SSBP2: variants seen among roughly 807,000 people sequenced by gnomAD.
SSBP2 encodes the protein single stranded DNA binding protein 2.
In SSBP2, 17 loss-of-function variants were observed where a neutral mutation model predicts 61.8. That is an observed-to-expected ratio of 0.28 (90% CI 0.19 to 0.41). SSBP2 has a LOEUF of 0.41. Ranked by LOEUF, SSBP2 falls within the 10% of genes least tolerant of loss-of-function variation. The pLI is 1.00. For synonymous variants in SSBP2, 139 were observed against 141.3 expected (o/e 0.98, Z 0.12); for missense variants, 310 against 458.7 (o/e 0.68, Z 2.96).
intron 1 of SSBP2, among the ~76,000 whole-genome samples, chr5:81,668,932 GTC>G (rs1210070332): frequency 7.9e-5 from 12 of 152,108 alleles, no homozygotes; most frequent in African/African-American, 2.7e-4. Context: ...TAAAAACTGT[GTC>G]TCTACCATCT....
chr5:81,671,356 T>A (rs1751563133), intron 1 of SSBP2, among the ~76,000 whole-genome samples: 1 of 152,118 alleles, frequency 6.6e-6, no homozygotes, highest in African/African-American at 2.4e-5. Flanking sequence ...ACATTTGCTC[T>A]TTGAGGCTGT....
chr5:81,711,512 C>T (rs925260979), intron 1 of SSBP2, among the ~76,000 whole-genome samples: 2 of 151,992 alleles, frequency 1.3e-5, no homozygotes, highest in Non-Finnish European at 2.9e-5. Context: ...AGAGAATTAT[C>T]AGAAATATAT....
chr5:81,690,398 G>T (rs1235103532), intron 1 of SSBP2, among the ~76,000 whole-genome samples: 1 of 151,962 alleles, frequency 6.6e-6, no homozygotes, highest in Admixed American at 6.6e-5. Flanking sequence ...AAAATAAAGG[G>T]ATTAAGAAAG....
Position 81,592,746 on chromosome 5 carries a change from T to C in SSBP2, c.282+22727A>G, listed in dbSNP as rs1358977512. 2.6e-5 allele frequency among the ~76,000 whole-genome samples: 4 copies of C among 152,182 alleles called. No homozygotes were observed. The East Asian group carries it at 7.7e-4, about 29-fold the overall frequency. ...AGGCAAACAGGGTCTGGAGTGGACC[T>C]CTAGAAAACTCCAACAGACCTGCAG... is the stretch of plus-strand genomic sequence containing the variant. On this transcript the variant is annotated intron_variant, in intron 4 of 16. Transcript: ENST00000320672.
At chr5:81,686,716 G>A (rs1311479498) in intron 1 of SSBP2, among the ~76,000 whole-genome samples, 1 of 151,828 alleles carries the variant, frequency 6.6e-6, no homozygotes, top group East Asian at 1.9e-4. Flanking sequence ...TTAGCCGGGT[G>A]TGGTGGCATG....
intron 4 of SSBP2, among the ~76,000 whole-genome samples, chr5:81,600,854 C>T (rs1319323364): frequency 6.6e-6 from 1 of 152,058 alleles, no homozygotes; most frequent in East Asian, 1.9e-4. Context: ...TCAAGTAATA[C>T]AGAAAGGCAA....
intron 4 of SSBP2, among the ~76,000 whole-genome samples, chr5:81,588,405 G>C (rs1374913285): frequency 6.6e-6 from 1 of 152,164 alleles, no homozygotes. Flanking sequence ...CTAAATTGTA[G>C]AGATGGTACC....
chr5:81,540,083 T>C (rs1447691981), intron 4 of SSBP2, among the ~76,000 whole-genome samples: 1 of 152,184 alleles, frequency 6.6e-6, no homozygotes, highest in Non-Finnish European at 1.5e-5. Flanking sequence ...CATCCTTTTT[T>C]ATGGCTGCAT....
At chr5:81,571,095 T>C (rs1423039592) in intron 4 of SSBP2, among the ~76,000 whole-genome samples, 1 of 152,248 alleles carries the variant, frequency 6.6e-6, no homozygotes, top group African/African-American at 2.4e-5. Flanking sequence ...TCTTGGTTTC[T>C]TTTGTGGAGC....
In SSBP2 at chr5:81,466,520, T is replaced by C. The variant is rs557883629; in HGVS notation, c.638+454A>G. Among the ~76,000 whole-genome samples, 3 of 152,038 alleles carry C rather than the reference T, an allele frequency of 2.0e-5. No individual in the cohort carries two copies. The South Asian group carries it at 6.2e-4, about 31-fold the overall frequency. ...AGCAAAAGTAGAGATATGTATGTATTTATGAGTTAAAAACTCCACTCATAG... is the reference window on the plus strand; with the variant it reads ...AGCAAAAGTAGAGATATGTATGTATCTATGAGTTAAAAACTCCACTCATAG... On this transcript the variant is annotated intron_variant, in intron 9 of 16. Transcript: ENST00000320672.
chr5:81,527,901 T>TAAAA (rs57104850), intron 4 of SSBP2, among the ~76,000 whole-genome samples: 2 of 126,858 alleles, frequency 1.6e-5, no homozygotes, highest in African/African-American at 5.6e-5. Context: ...CTTAAAGTAG[T>TAAAA]AAAAAAAAAA....
chr5:81,526,970 A>C (rs1216432147), intron 4 of SSBP2, among the ~76,000 whole-genome samples: 2 of 151,988 alleles, frequency 1.3e-5, no homozygotes, highest in Non-Finnish European at 2.9e-5. Context: ...CCAACAAAAA[A>C]CAAAAAAACA....
chr5:81,492,563 A>C (rs1766937695), intron 5 of SSBP2, among the ~76,000 whole-genome samples: 1 of 151,060 alleles, frequency 6.6e-6, no homozygotes, highest in Non-Finnish European at 1.5e-5. Context: ...AAATGTGTTT[A>C]CTCTTTATGT....
intron 3 of SSBP2, among the ~76,000 whole-genome samples, chr5:81,628,473 T>C (rs1747398094): frequency 6.6e-6 from 1 of 152,230 alleles, no homozygotes; most frequent in African/African-American, 2.4e-5. Flanking sequence ...AGAGCTATAG[T>C]TTCTGCAATT....
intron 9 of SSBP2, among the ~76,000 whole-genome samples, chr5:81,464,329 C>T (rs1764748845): frequency 1.3e-5 from 2 of 152,048 alleles, no homozygotes; most frequent in Non-Finnish European, 1.5e-5. Context: ...AAACAGTAAT[C>T]TACAATGCAT....
intron 8 of SSBP2, among the ~76,000 whole-genome samples, chr5:81,473,473 T>C (rs957638759): frequency 6.6e-6 from 1 of 152,160 alleles, no homozygotes; most frequent in African/African-American, 2.4e-5. Flanking sequence ...AAATTCTTGT[T>C]GGAAGAACAC....
At chr5:81,466,900 A>G in intron 9 of SSBP2, 74 bp downstream of exon 9, 4 of 942,468 alleles carry the variant, frequency 4.2e-6, no homozygotes, top group African/African-American at 3.3e-5. Flanking sequence ...TACTAAATAG[A>G]ATAATATGGT....
At chr5:81,451,347 T>C (rs62366212) in intron 10 of SSBP2, among the ~76,000 whole-genome samples, 1 of 150,358 alleles carries the variant, frequency 6.7e-6, no homozygotes, top group Admixed American at 6.6e-5. Flanking sequence ...AAAAAAACTT[T>C]GTTTATTTCC....
intron 10 of SSBP2, among the ~76,000 whole-genome samples, chr5:81,455,038 G>A (rs972481995): frequency 1.3e-5 from 2 of 152,180 alleles, no homozygotes; most frequent in African/African-American, 2.4e-5. Flanking sequence ...AAGCATCAGG[G>A]AGGACCTGGC....
Sources: gnomAD v4.1 joint callset for allele counts (sites outside exome capture counted in the v4.1 genomes callset) on GRCh38, gnomAD v4.1.1 for gene constraint, MANE v1.5 for transcripts, NCBI Gene and HGNC (gene_info 2026-07-23, HGNC 2026-07-21) for gene names.